ZNF83: variants seen among roughly 807,000 people sequenced by gnomAD.
The protein encoded by ZNF83 is zinc finger protein 816B.
For missense variants in ZNF83, 552 were observed against 629.9 expected (o/e 0.88, Z 1.32); for synonymous variants, 209 against 213.0 (o/e 0.98, Z 0.17).
intron 3 of ZNF83, among the ~76,000 whole-genome samples, chr19:52,645,637 T>C (rs1034235789): frequency 3.3e-5 from 5 of 152,056 alleles, no homozygotes; most frequent in Admixed American, 3.3e-4. Context: ...TGAAACTCCA[T>C]CTCTACTGAA....
chr19:52,649,389 T>C (rs1403316012), intron 3 of ZNF83, among the ~76,000 whole-genome samples: 10 of 152,038 alleles, frequency 6.6e-5, no homozygotes, highest in South Asian at 2.1e-4. Context: ...ACAGGTAATA[T>C]TGGAGTATTA....
chr19:52,630,686 C>A (rs2060923408), intron 2 of ZNF83, among the ~76,000 whole-genome samples: 1 of 152,068 alleles, frequency 6.6e-6, no homozygotes, highest in African/African-American at 2.4e-5. Context: ...ATCTCCACTC[C>A]TTCCCTGGCA....
chr19:52,685,174 C>T (rs12982613), intron 1 of ZNF83, among the ~76,000 whole-genome samples: 21,769 of 152,124 alleles, frequency 0.14, 1,693 homozygotes, highest in African/African-American at 0.19. Context: ...CTCTATTTTG[C>T]CAATCATTTC....
chr19:52,682,951 A>C (rs1261257044), intron 1 of ZNF83, among the ~76,000 whole-genome samples: 2 of 151,712 alleles, frequency 1.3e-5, no homozygotes, highest in East Asian at 3.9e-4. Context: ...GATTACTGCA[A>C]CCTCCACCTT....
intron 3 of ZNF83, chr19:52,654,772 TCCTC>T (rs2061485471): frequency 6.4e-6 from 1 of 155,920 alleles, no homozygotes; most frequent in Non-Finnish European, 1.4e-5. Flanking sequence ...CTGAATGATG[TCCTC>T]CCTAAGAGGA....
intron 2 of ZNF83, among the ~76,000 whole-genome samples, chr19:52,632,783 C>T (rs1377281143): frequency 1.3e-5 from 2 of 152,104 alleles, no homozygotes; most frequent in East Asian, 1.9e-4. Flanking sequence ...TCTATTCATA[C>T]AAAACTGTAT....
At chr19:52,675,566 G>C (rs1234101982) in intron 1 of ZNF83, among the ~76,000 whole-genome samples, 2 of 152,062 alleles carry the variant, frequency 1.3e-5, no homozygotes, top group East Asian at 1.9e-4. Context: ...ACAAGGTCTT[G>C]ACTTACTCAG....
At chr19:52,613,070 A>G in exon 3 of ZNF83, 3 of 1,612,750 alleles carry the variant, frequency 1.9e-6, no homozygotes, top group Non-Finnish European at 1.7e-6. Context: ...CGTACAAGAT[A>G]TGAATTGTCG....
intron 1 of ZNF83, among the ~76,000 whole-genome samples, chr19:52,671,702 C>A (rs2061729050): frequency 1.3e-5 from 2 of 152,182 alleles, no homozygotes. Flanking sequence ...CTTTGCTTCC[C>A]AAAGTGTTGG....
chr19:52,642,496 G>A (rs144505190), upstream of ZNF83, among the ~76,000 whole-genome samples: 65 of 151,946 alleles, frequency 4.3e-4, no homozygotes, highest in East Asian at 0.011. Flanking sequence ...TCGAACTCCC[G>A]ACCTCAGGTG....
chr19:52,628,347 G>T (rs1432273521), intron 2 of ZNF83, among the ~76,000 whole-genome samples: 12 of 152,116 alleles, frequency 7.9e-5, no homozygotes, highest in African/African-American at 2.7e-4. Flanking sequence ...CCGGTAAGTG[G>T]CCTCTTTTTA....
At chr19:52,613,258 TTCC>T in exon 3 of ZNF83, 1 of 1,613,850 alleles carries the variant, frequency 6.2e-7, no homozygotes, top group East Asian at 2.2e-5. Context: ...ACCGAAGACC[TTCC>T]CACATTCATT....
intron 2 of ZNF83, among the ~76,000 whole-genome samples, chr19:52,628,071 C>T (rs1032167372): frequency 2.0e-5 from 3 of 152,122 alleles, no homozygotes; most frequent in African/African-American, 7.2e-5. Flanking sequence ...ATAAAATGGC[C>T]CAACCCCTAT....
exon 3 of ZNF83, chr19:52,614,053 T>C (rs923404392): frequency 1.9e-6 from 3 of 1,613,116 alleles, no homozygotes; most frequent in Non-Finnish European, 2.5e-6. Context: ...CTCTCCAGTA[T>C]GAATCCTGCG....
chr19:52,669,170 T>C (rs2061691685), intron 1 of ZNF83, among the ~76,000 whole-genome samples: 2 of 152,190 alleles, frequency 1.3e-5, no homozygotes, highest in African/African-American at 4.8e-5. Flanking sequence ...TTTAGTCCAA[T>C]TGGCTATCCC....
At chr19:52,649,370 G>T (rs1345054424) in intron 3 of ZNF83, among the ~76,000 whole-genome samples, 2 of 152,084 alleles carry the variant, frequency 1.3e-5, no homozygotes, top group African/African-American at 4.8e-5. Context: ...TGACACATCT[G>T]ACAACTTTAC....
Position 52,679,669 on chromosome 19 carries a change from T to A in ZNF83, c.-283+10774A>T, listed in dbSNP as rs181335687. 2.3e-3 allele frequency among the ~76,000 whole-genome samples: 355 copies of A among 152,288 alleles called. 1 individual carries two copies. The highest frequency in any genetic ancestry group is 8.0e-3 in the African/African-American group (333 of 41,558). The stretch of plus-strand genomic sequence containing the variant: ...TGGAAACACTTATCAGTCAGTGTGA[T>A]GCTTTCTATCTCATAACCTGGTCCA... On this transcript the variant is annotated intron_variant, in intron 1 of 5. Transcript: ENST00000594682.
At chr19:52,627,644 C>G (rs770170391) in intron 2 of ZNF83, among the ~76,000 whole-genome samples, 1 of 152,150 alleles carries the variant, frequency 6.6e-6, no homozygotes, top group Non-Finnish European at 1.5e-5. Context: ...GAGCAAAACT[C>G]AGTCTCAACT....
intron 3 of ZNF83, among the ~76,000 whole-genome samples, chr19:52,650,282 G>A (rs1402110130): frequency 2.0e-5 from 3 of 149,914 alleles, no homozygotes; most frequent in South Asian, 2.1e-4. Flanking sequence ...TTGAGACAGA[G>A]TTTTGTTCTT....
Sources: gnomAD v4.1 joint callset for allele counts (sites outside exome capture counted in the v4.1 genomes callset) on GRCh38, gnomAD v4.1.1 for gene constraint, MANE v1.5 for transcripts, NCBI Gene and HGNC (gene_info 2026-07-23, HGNC 2026-07-21) for gene names.